Variants in FBXW8 observed in about 807,000 individuals in gnomAD.
FBXW8 encodes the protein F-box and WD repeat domain containing 8.
Under a neutral mutation model 65.3 loss-of-function variants are expected in FBXW8, and 57 were observed. The observed-to-expected ratio is 0.87, with a 90% CI of 0.71 to 1.09. FBXW8 has a LOEUF of 1.09. Among genes scored for constraint, FBXW8 ranks in the 50% least tolerant of loss-of-function variants. The pLI, the probability that FBXW8 is intolerant of heterozygous loss-of-function variation, is 0.00. For synonymous variants in FBXW8, 308 were observed against 330.2 expected, an observed-to-expected ratio of 0.93 and a Z score of 0.73; for missense variants, 777 against 814.8, an observed-to-expected ratio of 0.95 and a Z score of 0.57.
intron 1 of FBXW8, among the ~76,000 whole-genome samples, chr12:116,924,777 AAG>A (rs572513105): frequency 2.0e-5 from 3 of 152,190 alleles, no homozygotes; most frequent in Non-Finnish European, 4.4e-5. Flanking sequence ...ACACTAATAA[AAG>A]AGGTGTGTTT....
rs1189877419 is a variant in FBXW8, at chr12:116,936,198, A to T, written c.423+8071A>T. ...AAGACCTGAAGGAGGGGTGAAGGAC[A>T]CTGTGCAGATCTCTGGCAGAGTGGA... On this transcript the variant is annotated intron_variant, in intron 2 of 10. Coordinates refer to ENST00000652555, the MANE Select transcript of FBXW8 (RefSeq NM_153348.3). The surrounding 1 kb of genome is among the most constrained non-coding windows in gnomAD (Gnocchi z 4.6). Among the ~76,000 whole-genome samples, 2 of 152,210 alleles carry T rather than the reference A, an allele frequency of 1.3e-5. No homozygotes were observed. Among genetic ancestry groups the T allele is most frequent in the African/African-American group, 4.8e-5 (2 of 41,448 alleles).
intron 2 of FBXW8, among the ~76,000 whole-genome samples, chr12:116,935,834 A>G (rs180974759): frequency 3.3e-5 from 5 of 152,382 alleles, no homozygotes; most frequent in East Asian, 1.9e-4. Flanking sequence ...AGGGCAGCAC[A>G]TGCCAGGAGC....
chr12:116,959,434 A>G (rs879124019), intron 4 of FBXW8, among the ~76,000 whole-genome samples: 1 of 152,196 alleles, frequency 6.6e-6, no homozygotes, highest in Non-Finnish European at 1.5e-5. Flanking sequence ...CTGTGCCACT[A>G]AAATGTTTCT....
At chr12:116,916,897 T>TGG (rs149537229) in intron 1 of FBXW8, among the ~76,000 whole-genome samples, 756 of 71,822 alleles carry the variant, frequency 0.011, 5 homozygotes, top group African/African-American at 0.024. Flanking sequence ...TGCGTGTGTG[T>TGG]GTGTGTGTGT....
chr12:116,947,995 G>A (rs547220565), intron 3 of FBXW8, among the ~76,000 whole-genome samples: 1 of 152,158 alleles, frequency 6.6e-6, no homozygotes, highest in Non-Finnish European at 1.5e-5. Flanking sequence ...TGTGCTGTGC[G>A]TGCTCGACTT....
intron 7 of FBXW8, among the ~76,000 whole-genome samples, chr12:116,989,983 G>A (rs895958636): frequency 1.3e-5 from 2 of 152,178 alleles, no homozygotes. Context: ...TGAACCTCCC[G>A]TTATTCCTCC....
At chr12:116,942,222 T>C (rs1882621113) in intron 2 of FBXW8, among the ~76,000 whole-genome samples, 1 of 149,804 alleles carries the variant, frequency 6.7e-6, no homozygotes, top group African/African-American at 2.5e-5. Flanking sequence ...AGAGATGGGG[T>C]CTCACTGTTC....
intron 2 of FBXW8, among the ~76,000 whole-genome samples, chr12:116,945,078 G>T (rs1592869627): frequency 1.3e-5 from 2 of 152,062 alleles, no homozygotes; most frequent in South Asian, 4.1e-4. Context: ...TATATTTTTT[G>T]CATTTTATGT....
At chr12:116,974,119 G>T (rs966531707) in intron 5 of FBXW8, among the ~76,000 whole-genome samples, 1 of 152,206 alleles carries the variant, frequency 6.6e-6, no homozygotes, top group African/African-American at 2.4e-5. Context: ...TCCCTGACTT[G>T]AGGAGGCCCC....
chr12:116,935,316 A>G (rs949673619), intron 2 of FBXW8, among the ~76,000 whole-genome samples: 1 of 152,234 alleles, frequency 6.6e-6, no homozygotes, highest in Admixed American at 6.5e-5. Context: ...TTTTATGTCC[A>G]TGTAGGAGAA....
At chr12:117,000,045 G>T (rs112190208) in intron 7 of FBXW8, among the ~76,000 whole-genome samples, 1 of 148,248 alleles carries the variant, frequency 6.7e-6, no homozygotes, top group Non-Finnish European at 1.5e-5. Flanking sequence ...GCAGTGGCGC[G>T]ATCTCTGCTC....
In FBXW8 at chr12:116,984,352, G is replaced by A. The variant is rs536210913; in HGVS notation, c.836-854G>A. The stretch of plus-strand genomic sequence containing the variant: ...CGGTCTGGAAACCACCCTGGAGAAA[G>A]GGTGTGTGGCCAGTGTGTGAAAGAG... On this transcript the variant is annotated intron_variant, in intron 5 of 10. Transcript: ENST00000652555. Among the ~76,000 whole-genome samples the A allele has an allele frequency of 2.0e-5, 3 of 152,288 alleles. No homozygotes were observed. In the South Asian group the frequency reaches 6.2e-4, roughly 32 times the overall value.
chr12:116,967,820 G>A (rs1387895701), intron 5 of FBXW8, among the ~76,000 whole-genome samples: 1 of 152,160 alleles, frequency 6.6e-6, no homozygotes, highest in Non-Finnish European at 1.5e-5. Context: ...AGACTGGAGT[G>A]CAGTGGTGCG....
intron 2 of FBXW8, among the ~76,000 whole-genome samples, chr12:116,943,494 A>C (rs1313497061): frequency 2.0e-5 from 3 of 152,240 alleles, no homozygotes; most frequent in Non-Finnish European, 2.9e-5. Flanking sequence ...GCTAGTTATC[A>C]AATGGAGATT....
chr12:116,968,516 G>A (rs1224644886), intron 5 of FBXW8, among the ~76,000 whole-genome samples: 1 of 152,158 alleles, frequency 6.6e-6, no homozygotes, highest in Non-Finnish European at 1.5e-5. Flanking sequence ...TTGTGTATAA[G>A]CACTTTGGTT....
At chr12:116,911,418 C>G in intron 1 of FBXW8, 63 bp downstream of exon 1, 1 of 1,137,786 alleles carries the variant, frequency 8.8e-7, no homozygotes, top group Non-Finnish European at 1.1e-6. Flanking sequence ...AGGACAAACC[C>G]CTGCAGTGAT....
chr12:117,029,388 G>A lies in FBXW8; in HGVS notation c.*1216G>A, dbSNP rs1954308633. On this transcript the variant is annotated 3_prime_UTR_variant, in exon 11 of 11. Coordinates refer to ENST00000652555, the MANE Select transcript of FBXW8 (RefSeq NM_153348.3). ...CCTGAATTTACTTGGATTTAAAGAG[G>A]TTAATAAAAACAAACTATAAACTCT... is the stretch of plus-strand genomic sequence containing the variant. 1 of 151,992 alleles carries A rather than the reference G, an allele frequency of 6.6e-6. No homozygotes were observed. Among genetic ancestry groups the A allele is most frequent in the South Asian group, 2.1e-4 (1 of 4,804 alleles). 9.4% of individuals were successfully genotyped at this position (151,992 alleles called of 1,614,324 possible).
chr12:117,013,641 A>G (rs1359842079), intron 8 of FBXW8, among the ~76,000 whole-genome samples: 1 of 152,218 alleles, frequency 6.6e-6, no homozygotes, highest in African/African-American at 2.4e-5. Flanking sequence ...ACATCTATGA[A>G]ATCAGAATGG....
At chr12:116,949,592 A>T (rs775717341) in intron 3 of FBXW8, 26 bp from the exon 4 acceptor site, 72 of 1,611,724 alleles carry the variant, frequency 4.5e-5, no homozygotes, top group Non-Finnish European at 6.0e-5. Context: ...AGCAGTCTAA[A>T]CTGCATCCCC....
Sources: gnomAD v4.1 joint callset for allele counts (sites outside exome capture counted in the v4.1 genomes callset) on GRCh38, gnomAD v4.1.1 for gene constraint, Gnocchi (gnomAD v3.1) non-coding constraint, MANE v1.5 for transcripts, NCBI Gene and HGNC (gene_info 2026-07-23, HGNC 2026-07-21) for gene names.